DEK: variants seen among roughly 807,000 people sequenced by gnomAD.
DEK encodes protein DEK.
Under a neutral mutation model 46.8 loss-of-function variants are expected in DEK, and 28 were observed. The observed-to-expected ratio is 0.60, with a 90% CI of 0.44 to 0.82. The LOEUF (loss-of-function observed/expected upper bound fraction) is 0.82. Ranked by LOEUF, DEK falls within the 40% of genes least tolerant of loss-of-function variation. DEK has a pLI of 0.00. For synonymous variants in DEK, 160 were observed against 144.5 expected, an observed-to-expected ratio of 1.11 and a Z score of -0.77; for missense variants, 416 against 430.6, an observed-to-expected ratio of 0.97 and a Z score of 0.30.
chr6:18,244,343 C>G (rs918503792), intron 7 of DEK, among the ~76,000 whole-genome samples: 1 of 152,008 alleles, frequency 6.6e-6, no homozygotes, highest in Non-Finnish European at 1.5e-5. Flanking sequence ...TCAGATAGTA[C>G]AATGTACTAT....
intron 7 of DEK, among the ~76,000 whole-genome samples, chr6:18,239,405 A>G (rs1321213204): frequency 6.7e-6 from 1 of 148,224 alleles, no homozygotes; most frequent in Non-Finnish European, 1.5e-5. Context: ...GCTAGACTCA[A>G]ACAATCCTCC....
chr6:18,226,267 A>G (rs1245890263), intron 9 of DEK, 25 bp from the exon 10 acceptor site: 1 of 1,327,176 alleles, frequency 7.5e-7, no homozygotes, highest in Non-Finnish European at 1.0e-6. Flanking sequence ...AAGGAAAAAT[A>G]ATGTTAAAAG....
chr6:18,257,854 A>G (rs7743778), intron 4 of DEK, 99 bp downstream of exon 4: 143,783 of 789,868 alleles, frequency 0.18, 15,341 homozygotes, highest in Non-Finnish European at 0.22. Flanking sequence ...GCTCAGTCAT[A>G]AAGTGTGGAA....
At chr6:18,256,850 G>T (rs903110908) in intron 4 of DEK, among the ~76,000 whole-genome samples, 1 of 152,112 alleles carries the variant, frequency 6.6e-6, no homozygotes, top group South Asian at 2.1e-4. Flanking sequence ...AATCAAGAAG[G>T]ACTTTATTCT....
intron 9 of DEK, among the ~76,000 whole-genome samples, chr6:18,230,891 CA>C (rs1582255098): frequency 6.6e-6 from 1 of 152,206 alleles, no homozygotes; most frequent in Non-Finnish European, 1.5e-5. Flanking sequence ...CAGACATCTA[CA>C]GAACTCTCCA....
Position 18,264,407 on chromosome 6 carries a change from C to A in DEK, c.-32G>T. The A allele has an allele frequency of 8.1e-6, 2 of 248,422 alleles. No homozygotes were observed. The highest frequency in any genetic ancestry group is 6.9e-5 in the South Asian group (2 of 28,808). The allele number at this position is 248,422 out of a possible 1,614,324, so 15.4% of individuals were successfully genotyped here. A position where few individuals can be genotyped will look rare whatever the true frequency, so the allele number is the denominator to read the frequency against. ...TACCGCGGATTTCGGCCGCCGCGGG[C>A]CTGGCACGCGAGGGCACGAGGAGGT... is the stretch of plus-strand genomic sequence containing the variant. On this transcript the variant is annotated 5_prime_UTR_variant, in exon 1 of 11. Transcript: ENST00000652689.
intron 4 of DEK, among the ~76,000 whole-genome samples, chr6:18,256,707 T>C (rs1791612915): frequency 6.6e-6 from 1 of 152,230 alleles, no homozygotes; most frequent in African/African-American, 2.4e-5. Flanking sequence ...AAGAACAATT[T>C]GAACAAATTT....
In DEK at chr6:18,264,467, G is replaced by T; in HGVS notation, c.-92C>A. 3.5e-6 allele frequency: 1 copy of T among 284,032 alleles called. No individual in the cohort carries two copies. The allele number at this position is 284,032 out of a possible 1,614,324, so 17.6% of individuals were successfully genotyped here. On this transcript the variant is annotated 5_prime_UTR_variant, in exon 1 of 11. Transcript: ENST00000652689. ...CGGCGGCGGCCGACGCCGAGGAGAA[G>T]GCGCGCGGGCCGCTGTCTGGCGTGA...
chr6:18,225,549 A>C lies in DEK; in HGVS notation c.*170T>G, dbSNP rs1176758947. ...AAAATGGCATAGAAATGCAATTTAA[A>C]ACAGCAAACTCAAATTCACATAACA... is the stretch of plus-strand genomic sequence containing the variant. On this transcript the variant is annotated 3_prime_UTR_variant, in exon 11 of 11. Coordinates refer to ENST00000652689, the MANE Select transcript of DEK (RefSeq NM_003472.4). 6.5e-6 allele frequency: 4 copies of C among 617,170 alleles called. No individual in the cohort carries two copies. In the East Asian group the frequency reaches 8.8e-5, roughly 14 times the overall value. 38.2% of individuals were successfully genotyped at this position (617,170 alleles called of 1,614,324 possible).
chr6:18,225,839 A>G, intron 10 of DEK, 109 bp from the exon 11 acceptor site: 1 of 1,291,550 alleles, frequency 7.7e-7, no homozygotes, highest in South Asian at 1.3e-5. Context: ...AGATCAATAC[A>G]GAATTACAGC....
intron 7 of DEK, among the ~76,000 whole-genome samples, chr6:18,249,445 C>T (rs1791267799): frequency 6.6e-6 from 1 of 152,188 alleles, no homozygotes; most frequent in South Asian, 2.1e-4. Context: ...CCACACCAAC[C>T]TCACTCTTTT....
intron 10 of DEK, chr6:18,225,939 G>T: frequency 1.4e-6 from 1 of 691,794 alleles, no homozygotes; most frequent in Non-Finnish European, 2.3e-6. Context: ...CAGCTACCCA[G>T]GTACACCATG....
At chr6:18,237,608 T>C (rs1216476934) in intron 7 of DEK, 92 bp from the exon 8 acceptor site, 1 of 1,445,774 alleles carries the variant, frequency 6.9e-7, no homozygotes, top group Non-Finnish European at 9.1e-7. Context: ...CTTAATAATA[T>C]TAGAGAAAAC....
chr6:18,228,608 G>A (rs1396120532), intron 9 of DEK, among the ~76,000 whole-genome samples: 1 of 152,162 alleles, frequency 6.6e-6, no homozygotes, highest in Non-Finnish European at 1.5e-5. Flanking sequence ...AGGGGTCAGG[G>A]AATTCCCTTT....
At chr6:18,241,308 C>A (rs529374600) in intron 7 of DEK, among the ~76,000 whole-genome samples, 2 of 152,166 alleles carry the variant, frequency 1.3e-5, no homozygotes, top group African/African-American at 4.8e-5. Flanking sequence ...GAAAAAAACA[C>A]AGGGAGAGCT....
intron 7 of DEK, among the ~76,000 whole-genome samples, chr6:18,241,370 C>T (rs993330581): frequency 2.6e-4 from 40 of 152,272 alleles, no homozygotes; most frequent in Admixed American, 1.5e-3. Context: ...ACTTTCAAAT[C>T]TTCATTACTT....
intron 9 of DEK, among the ~76,000 whole-genome samples, chr6:18,228,459 CGGGTGATTTCTGCATTTCCAACTG>C (rs1790233589): frequency 6.6e-6 from 1 of 151,826 alleles, no homozygotes; most frequent in Non-Finnish European, 1.5e-5. Context: ...ACGCAGAAGA[CGGGTGATTTCTGCATTTCCAACTG>C]AGATACCAGG....
At chr6:18,244,299 G>A (rs1206760127) in intron 7 of DEK, among the ~76,000 whole-genome samples, 1 of 152,078 alleles carries the variant, frequency 6.6e-6, no homozygotes, top group Non-Finnish European at 1.5e-5. Context: ...TGTTCTAAAG[G>A]GGAACAAATA....
At chr6:18,250,858 GT>G (rs1190002032) in intron 6 of DEK, among the ~76,000 whole-genome samples, 1 of 151,988 alleles carries the variant, frequency 6.6e-6, no homozygotes. Flanking sequence ...GAACTATACG[GT>G]TTATATTCAT....
Sources: gnomAD v4.1 joint callset for allele counts (sites outside exome capture counted in the v4.1 genomes callset) on GRCh38, gnomAD v4.1.1 for gene constraint, MANE v1.5 for transcripts, NCBI Gene and HGNC (gene_info 2026-07-23, HGNC 2026-07-21) for gene names.